TPM4: variants seen among roughly 807,000 people sequenced by gnomAD.
TPM4 encodes the protein tropomyosin alpha-4 chain.
In TPM4, 17 loss-of-function variants were observed where a neutral mutation model predicts 35.8. The observed-to-expected ratio is 0.47, with a 90% CI of 0.32 to 0.71. TPM4 has a LOEUF of 0.71. Among genes scored for constraint, TPM4 ranks in the 30% least tolerant of loss-of-function variants. TPM4 has a pLI of 0.03. For synonymous variants in TPM4, 120 were observed against 122.9 expected (o/e 0.98, Z 0.15); for missense variants, 240 against 320.9 (o/e 0.75, Z 1.93).
upstream of TPM4, among the ~76,000 whole-genome samples, chr19:16,072,603 G>C (rs916819989): frequency 3.3e-5 from 5 of 152,204 alleles, no homozygotes; most frequent in Admixed American, 6.6e-5. Context: ...GTAGTATGGG[G>C]CTTCCCTGAG....
At chr19:16,101,217 A>G in intron 7 of TPM4, 47 bp from the exon 8 acceptor site, 2 of 1,412,010 alleles carry the variant, frequency 1.4e-6, no homozygotes, top group African/African-American at 1.5e-5. Flanking sequence ...TCATTTAACA[A>G]AGACGCTTAT....
rs2090656599 is a variant in TPM4, at chr19:16,093,713, A to G, written c.624A>G (p.Arg208=). ...EAETRAEFAE[R]TVAKLEKTID... ...AGACCCGTGCTGAATTTGCAGAGAG[A>G]ACGGTTGCAAAACTGGAAAAGACAA... The change falls in exon 7 of 8, where the codon AGA becomes AGG. Residue 208 remains arginine, a synonymous_variant. Transcript: ENST00000643579. 1 of 1,613,992 alleles carries G rather than the reference A, an allele frequency of 6.2e-7. No individual in the cohort carries two copies. The highest frequency in any genetic ancestry group is 8.5e-7 in the Non-Finnish European group (1 of 1,180,002).
rs73928718 is a variant in TPM4, at chr19:16,070,605, A to G, written c.114+2867A>G. The stretch of plus-strand genomic sequence containing the variant: ...CCTGCATGAGTGAGATACGGAAGTG[A>G]CAGTAGGGCCTCCCTTGCCACCCCA... On this transcript the variant is annotated intron_variant, in intron 2 of 2. Transcript: ENST00000589897. This position sits in a 1 kb window ranked among gnomAD's most constrained non-coding sequence, Gnocchi z 7.4. 0.031 allele frequency among the ~76,000 whole-genome samples: 4,714 copies of G among 152,268 alleles called. 260 individuals carry two copies. The highest frequency in any genetic ancestry group is 0.11 in the African/African-American group (4,525 of 41,548).
At chr19:16,088,579 C>G in intron 4 of TPM4, 7 of 1,033,400 alleles carry the variant, frequency 6.8e-6, no homozygotes, top group Non-Finnish European at 8.2e-6. Context: ...CTCTTGGCCC[C>G]GGGTGAGGAA....
Position 16,081,902 on chromosome 19 carries a change from G to T in TPM4, c.133-11G>T. 6.3e-7 allele frequency: 1 copy of T among 1,581,942 alleles called. No individual in the cohort carries two copies. The highest frequency in any genetic ancestry group is 1.1e-5 in the South Asian group (1 of 89,656). ...TACTTCTTAACATGGCTGCACCTCC[G>T]ACCTCCCCAGGCTGAAGGTGATGTG... On this transcript the variant is annotated splice_polypyrimidine_tract_variant and intron_variant, in intron 1 of 7. Transcript: ENST00000643579.
At position 16,101,748 on chromosome 19, in the gene TPM4, T is replaced by A. The variant is rs1181140331; in HGVS notation, c.*402T>A. On this transcript the variant is annotated 3_prime_UTR_variant, in exon 8 of 8. Coordinates refer to ENST00000643579, the MANE Select transcript of TPM4 (RefSeq NM_003290.3). ...TTAAAACGCTGAAGACCATAACCTT[T>A]TGGGTCAACTGTTGGTCAAACTATA... The A allele has an allele frequency of 4.2e-6, 1 of 238,074 alleles. No individual in the cohort carries two copies. Among genetic ancestry groups the A allele is most frequent in the African/African-American group, 2.2e-5 (1 of 45,132 alleles). 14.7% of individuals were successfully genotyped at this position (238,074 alleles called of 1,614,324 possible).
chr19:16,095,333 T>C, intron 7 of TPM4: 1 of 1,039,034 alleles, frequency 9.6e-7, no homozygotes, highest in South Asian at 4.4e-5. Context: ...CTCAACGACA[T>C]GACCTCTCTC....
In TPM4 at chr19:16,102,986, A is replaced by T. The variant is rs1650878331; in HGVS notation, c.*1640A>T. ...ACTTTTTCTACATTTTGGTCAAATA[A>T]ATTTTTACATAAACTACAATTTGCG... On this transcript the variant is annotated 3_prime_UTR_variant, in exon 8 of 8. Coordinates refer to ENST00000643579, the MANE Select transcript of TPM4 (RefSeq NM_003290.3). 5.0e-6 allele frequency: 1 copy of T among 201,978 alleles called. No homozygotes were observed. Among genetic ancestry groups the T allele is most frequent in the African/African-American group, 2.3e-5 (1 of 43,558 alleles). 12.5% of individuals were successfully genotyped at this position (201,978 alleles called of 1,614,324 possible). A position where few individuals can be genotyped will look rare whatever the true frequency, so the allele number is the denominator to read the frequency against.
At chr19:16,095,224 G>A in intron 7 of TPM4, 4 of 1,015,884 alleles carry the variant, frequency 3.9e-6, no homozygotes, top group Non-Finnish European at 4.7e-6. Context: ...TCTGTCCCCT[G>A]TACTTCTGAA....
At chr19:16,101,237 T>G (rs2090760418) in intron 7 of TPM4, 27 bp from the exon 8 acceptor site, 4 of 1,526,788 alleles carry the variant, frequency 2.6e-6, no homozygotes, top group African/African-American at 1.4e-5. Context: ...TTAATTTATC[T>G]TTCCCCATAC....
At chr19:16,069,421 GT>G (rs1599355412) in intron 2 of TPM4, among the ~76,000 whole-genome samples, 2 of 148,878 alleles carry the variant, frequency 1.3e-5, no homozygotes, top group East Asian at 1.9e-4. Context: ...GTTTCTGTTG[GT>G]GTGTATGTGT....
chr19:16,080,873 G>A (rs1198203638), intron 1 of TPM4: 3 of 395,410 alleles, frequency 7.6e-6, no homozygotes, highest in African/African-American at 6.2e-5. Flanking sequence ...TGGCCCTGGA[G>A]TTCCTGGTTT....
upstream of TPM4, chr19:16,076,024 G>A (rs1365776478): frequency 7.3e-7 from 1 of 1,361,056 alleles, no homozygotes. Flanking sequence ...AGGCTGACCC[G>A]TTCCTCGCTC....
intron 2 of TPM4, among the ~76,000 whole-genome samples, chr19:16,068,624 A>G (rs1352333860): frequency 2.6e-5 from 4 of 151,838 alleles, no homozygotes; most frequent in Admixed American, 2.0e-4. Context: ...TATGTGTTTA[A>G]GCATTTCTGC....
At chr19:16,096,438 G>C (rs562532287) in intron 7 of TPM4, among the ~76,000 whole-genome samples, 3 of 152,336 alleles carry the variant, frequency 2.0e-5, no homozygotes, top group Admixed American at 6.5e-5. Flanking sequence ...GGCAGCTTAA[G>C]AGTCAACAGG....
chr19:16,086,402 T>G, intron 2 of TPM4, 21 bp from the exon 3 acceptor site: 1 of 1,606,570 alleles, frequency 6.2e-7, no homozygotes, highest in Non-Finnish European at 8.5e-7. Context: ...ACGGCCGTCC[T>G]GATGAGATTG....
intron 1 of TPM4, 101 bp from the exon 2 acceptor site, chr19:16,081,812 G>T: frequency 7.1e-7 from 1 of 1,403,276 alleles, no homozygotes; most frequent in African/African-American, 1.4e-5. Context: ...GGTGGGCTTT[G>T]ACGGGGAAGA....
In TPM4 at chr19:16,070,802, G is replaced by A; in HGVS notation, c.114+3064G>A. Among the ~76,000 whole-genome samples, 1 of 152,022 alleles carries A rather than the reference G, an allele frequency of 6.6e-6. No individual in the cohort carries two copies. The highest frequency in any genetic ancestry group is 1.5e-5 in the Non-Finnish European group (1 of 67,998). On this transcript the variant is annotated intron_variant, in intron 2 of 2. Coordinates refer to the TPM4 transcript ENST00000589897. The surrounding 1 kb of genome is among the most constrained non-coding windows in gnomAD (Gnocchi z 7.4). ...AAGAGTATGTGGCACATTCGTGCAG[G>A]CCAAGCCCCACCCCAGTGTTCCCTG...
chr19:16,076,731 G>A (rs981500567), intron 1 of TPM4, 34 bp downstream of exon 1: 2 of 1,299,010 alleles, frequency 1.5e-6, no homozygotes, highest in East Asian at 6.3e-5. Flanking sequence ...CGCACCCGCA[G>A]CCTCCTCCCC....
Sources: allele counts gnomAD v4.1 joint callset (sites outside exome capture counted in the v4.1 genomes callset), GRCh38; gene constraint gnomAD v4.1.1; non-coding constraint Gnocchi (gnomAD v3.1); transcripts MANE v1.5; gene names NCBI Gene and HGNC (gene_info 2026-07-23, HGNC 2026-07-21).